The following CA5A variants were observed in gnomAD, a reference collection of about 807,000 sequenced individuals.
CA5A encodes the protein carbonic anhydrase 5A.
Under a neutral mutation model 37.1 loss-of-function variants are expected in CA5A, and 28 were observed. The observed-to-expected ratio is 0.75, with a 90% confidence interval of 0.56 to 1.03. CA5A has a LOEUF of 1.03. Ranked by LOEUF, CA5A falls within the 50% of genes least tolerant of loss-of-function variation. CA5A has a pLI of 0.00. For synonymous variants in CA5A, 171 were observed against 158.4 expected (o/e 1.08, Z -0.60); for missense variants, 444 against 399.9 (o/e 1.11, Z -0.94).
intron 2 of CA5A, among the ~76,000 whole-genome samples, chr16:87,919,669 C>T (rs1365453500): frequency 6.6e-6 from 1 of 152,182 alleles, no homozygotes; most frequent in East Asian, 1.9e-4. Flanking sequence ...TCCCTCTTTG[C>T]TTAAGCCACT....
chr16:87,896,883 G>A (rs1483472786), intron 5 of CA5A, among the ~76,000 whole-genome samples: 4 of 152,244 alleles, frequency 2.6e-5, no homozygotes, highest in South Asian at 2.1e-4. Context: ...CAGGTGATCC[G>A]CCCGCCTCAG....
chr16:87,934,893 G>A (rs1380272885), intron 1 of CA5A, among the ~76,000 whole-genome samples: 1 of 152,224 alleles, frequency 6.6e-6, no homozygotes, highest in Non-Finnish European at 1.5e-5. Context: ...CCAGGAGGCA[G>A]AGGCTGCAGT....
In CA5A at chr16:87,925,962, C is replaced by A. The variant is rs1048142761; in HGVS notation, c.340+786G>T. On this transcript the variant is annotated intron_variant, in intron 2 of 6. Transcript: ENST00000649794. ...CGAGGGCCGGGCGCGGTGGCTCACG[C>A]CTGTAACCCCAGCACTTTGGGAGGC... 3.3e-5 allele frequency among the ~76,000 whole-genome samples: 5 copies of A among 152,230 alleles called. No homozygotes were observed. In the East Asian group the frequency reaches 9.6e-4, roughly 29 times the overall value.
At chr16:87,902,699 G>A (rs2055896220) in intron 3 of CA5A, among the ~76,000 whole-genome samples, 179 bp from the exon 4 acceptor site, 1 of 151,718 alleles carries the variant, frequency 6.6e-6, no homozygotes, top group African/African-American at 2.4e-5. Flanking sequence ...GAGGTCAGGA[G>A]ATCGAGACCA....
intron 3 of CA5A, among the ~76,000 whole-genome samples, chr16:87,903,997 C>G (rs2055919936): frequency 6.6e-6 from 1 of 152,180 alleles, no homozygotes; most frequent in African/African-American, 2.4e-5. Flanking sequence ...TTGATATGCA[C>G]TGATTTTCTC....
intron 1 of CA5A, among the ~76,000 whole-genome samples, chr16:87,932,405 C>T (rs552857572): frequency 1.9e-4 from 29 of 152,234 alleles, no homozygotes; most frequent in African/African-American, 6.0e-4. Context: ...GCTGCACCAA[C>T]GGGCCCACCA....
intron 2 of CA5A, among the ~76,000 whole-genome samples, chr16:87,913,803 C>G (rs1316764850): frequency 6.6e-6 from 1 of 152,194 alleles, no homozygotes; most frequent in African/African-American, 2.4e-5. Flanking sequence ...GTCCTGCACA[C>G]CAGCCTTGCA....
chr16:87,917,104 CAA>C (rs762381468), intron 2 of CA5A, among the ~76,000 whole-genome samples: 11 of 65,860 alleles, frequency 1.7e-4, no homozygotes, highest in Non-Finnish European at 1.8e-4. Flanking sequence ...GAGTCTGTCT[CAA>C]AAAAAAAAAA....
At chr16:87,910,366 AG>A (rs1277509718) in intron 2 of CA5A, among the ~76,000 whole-genome samples, 2 of 152,180 alleles carry the variant, frequency 1.3e-5, no homozygotes, top group Non-Finnish European at 2.9e-5. Context: ...ATGGCCCTAC[AG>A]AGCAGGTCCT....
At chr16:87,900,914 G>C (rs1417013349) in intron 5 of CA5A, among the ~76,000 whole-genome samples, 3 of 152,190 alleles carry the variant, frequency 2.0e-5, no homozygotes, top group Admixed American at 6.6e-5. Flanking sequence ...AATTTTTCGA[G>C]CTAATCAATT....
chr16:87,883,945 C>T (rs1049075859), downstream of CA5A: 4 of 151,378 alleles, frequency 2.6e-5, no homozygotes, highest in African/African-American at 9.7e-5. Flanking sequence ...CCTGACCTAA[C>T]CTACTTATTC....
intron 2 of CA5A, among the ~76,000 whole-genome samples, chr16:87,925,111 C>G (rs1386578929): frequency 6.6e-6 from 1 of 152,196 alleles, no homozygotes; most frequent in East Asian, 1.9e-4. Context: ...GAGCAAGATC[C>G]CCAGGCACGT....
At chr16:87,905,448 C>T (rs1267184651) in intron 2 of CA5A, among the ~76,000 whole-genome samples, 1 of 152,176 alleles carries the variant, frequency 6.6e-6, no homozygotes, top group African/African-American at 2.4e-5. Context: ...CAACCTCCAC[C>T]TCTGGGTTCT....
intron 2 of CA5A, among the ~76,000 whole-genome samples, chr16:87,914,026 G>A (rs571585446): frequency 1.2e-4 from 19 of 152,322 alleles, no homozygotes; most frequent in South Asian, 1.0e-3. Context: ...ACCTTTTCCC[G>A]GACTTCCTAG....
intron 2 of CA5A, among the ~76,000 whole-genome samples, chr16:87,915,689 CA>C (rs10593708): frequency 0.019 from 1,620 of 83,596 alleles, 36 homozygotes; most frequent in African/African-American, 0.045. Flanking sequence ...ATCCTGTCTC[CA>C]AAAAAAAAAA....
Position 87,911,676 on chromosome 16 carries a change from T to A in CA5A, c.341-6772A>T, listed in dbSNP as rs1180400033. 1.3e-5 allele frequency among the ~76,000 whole-genome samples: 2 copies of A among 152,182 alleles called. No homozygotes were observed. Among genetic ancestry groups the A allele is most frequent in the Non-Finnish European group, 2.9e-5 (2 of 68,030 alleles). On this transcript the variant is annotated intron_variant, in intron 2 of 6. Transcript: ENST00000649794. The surrounding 1 kb of genome is among the most constrained non-coding windows in gnomAD (Gnocchi z 4.6). ...AGGGGCCGCAGCCACTGCAAGCCCC[T>A]GCCCACAGAACTCCGCGACGATGGA...
At chr16:87,891,114 G>C (rs1416316915) in intron 6 of CA5A, among the ~76,000 whole-genome samples, 1 of 150,476 alleles carries the variant, frequency 6.6e-6, no homozygotes, top group Non-Finnish European at 1.5e-5. Flanking sequence ...ACTTTAAAAA[G>C]TGTATACAAA....
intron 5 of CA5A, among the ~76,000 whole-genome samples, chr16:87,896,018 C>T (rs1387072435): frequency 1.3e-5 from 2 of 152,210 alleles, no homozygotes; most frequent in Non-Finnish European, 2.9e-5. Context: ...TGCAGTGAGA[C>T]GTCCGTCTCC....
At chr16:87,924,001 A>G (rs957721979) in intron 2 of CA5A, 12 of 985,296 alleles carry the variant, frequency 1.2e-5, no homozygotes, top group African/African-American at 1.7e-5. Context: ...AGCCAATCTG[A>G]GTTGCTTCTT....
Sources: allele counts gnomAD v4.1 joint callset (sites outside exome capture counted in the v4.1 genomes callset), GRCh38; gene constraint gnomAD v4.1.1; non-coding constraint Gnocchi (gnomAD v3.1); transcripts MANE v1.5; gene names NCBI Gene and HGNC (gene_info 2026-07-23, HGNC 2026-07-21).